The following CDC23 variants were observed in gnomAD, a reference collection of about 807,000 sequenced individuals.
CDC23 encodes cell division cycle protein 23 homolog.
CDC23 carries 26 observed loss-of-function variants against 81.7 expected under a neutral mutation model. The ratio of observed to expected loss-of-function variants is 0.32; its 90% CI spans 0.23 to 0.44. The LOEUF (loss-of-function observed/expected upper bound fraction) is 0.44, where lower values mean the gene tolerates loss of function less well. Among genes scored for constraint, CDC23 ranks in the 20% least tolerant of loss-of-function variants. The pLI is 1.00. For synonymous variants in CDC23, 267 were observed against 270.8 expected (o/e 0.99, Z 0.14); for missense variants, 519 against 728.0 (o/e 0.71, Z 3.30).
chr5:138,203,269 T>C (rs1187866191), intron 3 of CDC23, among the ~76,000 whole-genome samples: 1 of 152,204 alleles, frequency 6.6e-6, no homozygotes, highest in Non-Finnish European at 1.5e-5. Flanking sequence ...TTTGTTGATA[T>C]GTGTCAATAC....
At chr5:138,209,717 G>A (rs553243962) in intron 2 of CDC23, among the ~76,000 whole-genome samples, 6 of 151,436 alleles carry the variant, frequency 4.0e-5, no homozygotes, top group East Asian at 2.0e-4. Flanking sequence ...CCGGCTATTC[G>A]GGAGGCTGAG....
At chr5:138,195,084 C>CA (rs1205134031) in intron 9 of CDC23, among the ~76,000 whole-genome samples, 3 of 151,942 alleles carry the variant, frequency 2.0e-5, no homozygotes, top group Admixed American at 6.6e-5. Context: ...TGAAGAGCTA[C>CA]ACCAAGACTA....
At chr5:138,212,812 A>G (rs1215861552) in intron 2 of CDC23, among the ~76,000 whole-genome samples, 179 bp downstream of exon 2, 1 of 152,172 alleles carries the variant, frequency 6.6e-6, no homozygotes, top group Non-Finnish European at 1.5e-5. Flanking sequence ...AAGTCTTTCA[A>G]AGCTCAAGAA....
intron 9 of CDC23, among the ~76,000 whole-genome samples, chr5:138,195,590 A>AATATATTTATATATATTAT (rs1754881804): frequency 1.7e-5 from 1 of 58,578 alleles, no homozygotes; most frequent in South Asian, 6.6e-4. Flanking sequence ...TATTATATAT[A>AATATATTTATATATATTAT]ATATATATTA....
intron 9 of CDC23, 56 bp downstream of exon 9, chr5:138,198,143 A>G: frequency 7.7e-7 from 1 of 1,304,746 alleles, no homozygotes; most frequent in Non-Finnish European, 1.1e-6. Context: ...TTATTTTCAC[A>G]TGTGTTACTT....
intron 11 of CDC23, 111 bp from the exon 12 acceptor site, chr5:138,192,048 C>T: frequency 1.0e-6 from 1 of 989,708 alleles, no homozygotes; most frequent in Non-Finnish European, 1.6e-6. Flanking sequence ...GGTCTTTAAC[C>T]TGATGCTCCA....
In CDC23 at chr5:138,206,878, C is replaced by CTT. The variant is rs905919467; in HGVS notation, c.235-196_235-195dup. 2.8e-3 allele frequency among the ~76,000 whole-genome samples: 373 copies of CTT among 130,994 alleles called. 7 individuals are homozygous for CTT. The highest frequency in any genetic ancestry group is 7.4e-3 in the African/African-American group (258 of 34,950). 85.9% of individuals were successfully genotyped at this position (130,994 alleles called of 152,430 possible). A position where few individuals can be genotyped will look rare whatever the true frequency, so the allele number is the denominator to read the frequency against. ...TATTACCAAGTAAGCCCATAGAACT[C>CTT]TTTTTTTTTTTTTTTTTTTGAGACA... On this transcript the variant is annotated intron_variant, in intron 2 of 15. Transcript: ENST00000394886.
In CDC23 at chr5:138,191,621, CCAGAAGTT is replaced by C. The variant is rs1754828043; in HGVS notation, c.1363-94_1363-87del. ...TGAAGGTTAAGACCCTGCAAGCCTC[CCAGAAGTT>C]CAGATTTATAGAATGCAAGACATTT... is the stretch of plus-strand genomic sequence containing the variant. On this transcript the variant is annotated intron_variant, in intron 12 of 15. Coordinates refer to ENST00000394886, the MANE Select transcript of CDC23 (RefSeq NM_004661.4). 3 of 1,296,704 alleles carry C rather than the reference CCAGAAGTT, an allele frequency of 2.3e-6. No homozygotes were observed. The South Asian group carries it at 3.5e-5, about 15-fold the overall frequency. 80.3% of individuals were successfully genotyped at this position (1,296,704 alleles called of 1,614,324 possible). A position where few individuals can be genotyped will look rare whatever the true frequency, so the allele number is the denominator to read the frequency against.
Position 138,206,110 on chromosome 5 carries a change from T to C in CDC23, c.372+437A>G, listed in dbSNP as rs145899961. 3 of 180,410 alleles carry C rather than the reference T, an allele frequency of 1.7e-5. No homozygotes were observed. In the East Asian group the frequency reaches 4.1e-4, roughly 24 times the overall value. 11.2% of individuals were successfully genotyped at this position (180,410 alleles called of 1,614,324 possible). On this transcript the variant is annotated intron_variant, in intron 3 of 15. Coordinates refer to ENST00000394886, the MANE Select transcript of CDC23 (RefSeq NM_004661.4). Reference sequence around the variant, plus strand: ...TGTTTCAAAGTAAAATAATAAATTGTACTTATTATTCAATACAGTATTAAG... The same window carrying C: ...TGTTTCAAAGTAAAATAATAAATTGCACTTATTATTCAATACAGTATTAAG...
rs1035219420 is a variant in CDC23 at position 138,192,159 on chromosome 5, T to C, written c.1286+110A>G. On this transcript the variant is annotated intron_variant, in intron 11 of 15. Transcript: ENST00000394886. ...AGCCTTCAGCAACTTTAACCTCAGA[T>C]CCCCAAGAGCCAAAACCATCCACTG... 5.1e-6 allele frequency: 7 copies of C among 1,381,246 alleles called. No individual in the cohort carries two copies. In the African/African-American group the frequency reaches 1.0e-4, roughly 20 times the overall value. 85.6% of individuals were successfully genotyped at this position (1,381,246 alleles called of 1,614,324 possible).
chr5:138,201,018 C>T, intron 6 of CDC23, 89 bp downstream of exon 6: 1 of 1,447,612 alleles, frequency 6.9e-7, no homozygotes, highest in Admixed American at 2.2e-5. Flanking sequence ...TAACCAAAGC[C>T]CTGCCAAAAC....
At chr5:138,198,176 G>GA (rs1227477608) in intron 9 of CDC23, 23 bp downstream of exon 9, 7 of 1,524,004 alleles carry the variant, frequency 4.6e-6, no homozygotes, top group Non-Finnish European at 5.4e-6. Context: ...AATCTTAAAA[G>GA]AAAAAATGTA....
At chr5:138,203,222 T>C (rs1755008542) in intron 3 of CDC23, among the ~76,000 whole-genome samples, 1 of 152,190 alleles carries the variant, frequency 6.6e-6, no homozygotes, top group Non-Finnish European at 1.5e-5. Context: ...CCACAGAATG[T>C]ACAACACAGG....
chr5:138,189,765 A>G lies in CDC23; in HGVS notation c.1504-13T>C, dbSNP rs1754805483. ...GTTCTACTATTTCCTAGAAAGGGAA[A>G]GCAAAATTACTGAGGTGACAGTAAT... On this transcript the variant is annotated splice_polypyrimidine_tract_variant and intron_variant, in intron 14 of 15. Coordinates refer to ENST00000394886, the MANE Select transcript of CDC23 (RefSeq NM_004661.4). 6.2e-7 allele frequency: 1 copy of G among 1,613,288 alleles called. No homozygotes were observed. The highest frequency in any genetic ancestry group is 1.7e-5 in the Admixed American group (1 of 59,986).
At chr5:138,190,090 A>G in intron 13 of CDC23, 184 bp from the exon 14 acceptor site, 1 of 601,560 alleles carries the variant, frequency 1.7e-6, no homozygotes, top group Non-Finnish European at 3.0e-6. Context: ...GCTTAGAATC[A>G]TTACTCTGCT....
At chr5:138,209,570 A>G (rs1357112858) in intron 2 of CDC23, among the ~76,000 whole-genome samples, 1 of 152,142 alleles carries the variant, frequency 6.6e-6, no homozygotes, top group African/African-American at 2.4e-5. Context: ...CACACCTGTA[A>G]TCCTAGCACT....
intron 6 of CDC23, among the ~76,000 whole-genome samples, chr5:138,199,341 C>T (rs534620132): frequency 4.6e-5 from 7 of 152,210 alleles, no homozygotes; most frequent in Middle Eastern, 3.4e-3. Context: ...CTCAAGCCTG[C>T]AACCCCAGCA....
intron 9 of CDC23, among the ~76,000 whole-genome samples, chr5:138,196,423 T>G (rs1754906163): frequency 6.6e-6 from 1 of 151,616 alleles, no homozygotes; most frequent in Non-Finnish European, 1.5e-5. Context: ...CCCAAGTAGC[T>G]GGGATTACAG....
In CDC23 at chr5:138,189,039, G is replaced by C; in HGVS notation, c.1733C>G (p.Ser578Cys). 1 of 1,614,144 alleles carries C rather than the reference G, an allele frequency of 6.2e-7. No homozygotes were observed. Among genetic ancestry groups the C allele is most frequent in the Non-Finnish European group, 8.5e-7 (1 of 1,180,010 alleles). The change falls in exon 16 of 16, where the codon TCT becomes TGT. Residue 578 changes from serine to cysteine, a missense_variant. Coordinates refer to ENST00000394886, the MANE Select transcript of CDC23 (RefSeq NM_004661.4). Reference sequence around the variant, plus strand: ...TCTGCGTGTGGGGGTATTGTTAGCAGAGAGTGAAGCAGGTAGGAAAAAGGG... The same window carrying C: ...TCTGCGTGTGGGGGTATTGTTAGCACAGAGTGAAGCAGGTAGGAAAAAGGG... ...PAPFFLPASL[S>C]ANNTPTRRVS... is the part of the protein sequence containing the mutation.
Sources: allele counts gnomAD v4.1 joint callset (sites outside exome capture counted in the v4.1 genomes callset), GRCh38; gene constraint gnomAD v4.1.1; transcripts MANE v1.5; gene names NCBI Gene and HGNC (gene_info 2026-07-23, HGNC 2026-07-21).